Variants in RYK observed in about 807,000 individuals in gnomAD.
RYK encodes the protein receptor like tyrosine kinase, also known as inactive tyrosine-protein kinase RYK.
Under a neutral mutation model 70.2 loss-of-function variants are expected in RYK, and 21 were observed. That is an observed-to-expected ratio of 0.30 (90% CI 0.21 to 0.43). The LOEUF (loss-of-function observed/expected upper bound fraction) is 0.43. Among genes scored for constraint, RYK ranks in the 20% least tolerant of loss-of-function variants. The probability of loss-of-function intolerance (pLI) is 1.00; values close to 1 mark genes in which losing one functional copy is unlikely to be tolerated. For synonymous variants in RYK, 267 were observed against 278.0 expected (o/e 0.96, Z 0.39); for missense variants, 604 against 753.3 (o/e 0.80, Z 2.32).
intron 10 of RYK, among the ~76,000 whole-genome samples, chr3:134,182,051 A>G (rs890045177): frequency 5.9e-5 from 9 of 152,032 alleles, no homozygotes; most frequent in Non-Finnish European, 1.0e-4. Context: ...GCTACTCAGG[A>G]GGCTGAGGTA....
chr3:134,239,893 T>A (rs2015279073), intron 1 of RYK, among the ~76,000 whole-genome samples: 1 of 152,110 alleles, frequency 6.6e-6, no homozygotes, highest in Non-Finnish European at 1.5e-5. Flanking sequence ...TAAGTTGAGA[T>A]CTAGAAAGTA....
At chr3:134,205,288 T>G (rs1401675129) in intron 5 of RYK, among the ~76,000 whole-genome samples, 5 of 152,178 alleles carry the variant, frequency 3.3e-5, no homozygotes, top group Admixed American at 3.3e-4. Flanking sequence ...AGATAAAACT[T>G]ACAGCTTTCA....
intron 8 of RYK, among the ~76,000 whole-genome samples, chr3:134,191,261 A>C (rs964998545): frequency 2.6e-5 from 4 of 152,346 alleles, no homozygotes; most frequent in Admixed American, 2.0e-4. Flanking sequence ...TGAGAGGTGA[A>C]GGGAAGCATA....
At position 134,175,630 on chromosome 3, in the gene RYK, C is replaced by T; in HGVS notation, c.1554G>A (p.Glu518=). ...WMALESLVNN[E]FSSASDVWAF... is the part of the protein sequence containing the mutation. ...TTACCACATCACTAGCGCTAGAGAA[C>T]TCGTTATTAACCAGACTTTCAAGAG... is the stretch of plus-strand genomic sequence containing the variant. Residue 518 remains glutamate, a synonymous_variant, in exon 13 of 15, where the codon GAG becomes GAA. Transcript: ENST00000623711. The T allele has an allele frequency of 6.2e-7, 1 of 1,613,844 alleles. No individual in the cohort carries two copies. The highest frequency in any genetic ancestry group is 1.1e-5 in the South Asian group (1 of 91,070).
At chr3:134,231,193 CA>C (rs76361855) in intron 1 of RYK, among the ~76,000 whole-genome samples, 1,088 of 107,328 alleles carry the variant, frequency 0.01, 3 homozygotes, top group African/African-American at 0.025. Flanking sequence ...CAGACAAGAC[CA>C]AAAAAAAAAA....
At chr3:134,206,135 A>G (rs938480572) in intron 5 of RYK, among the ~76,000 whole-genome samples, 3 of 152,210 alleles carry the variant, frequency 2.0e-5, no homozygotes, top group African/African-American at 7.2e-5. Context: ...TATTCCAGCA[A>G]GTAGACGATA....
intron 9 of RYK, 150 bp downstream of exon 9, chr3:134,188,687 T>A (rs531672851): frequency 3.7e-6 from 2 of 543,404 alleles, no homozygotes; most frequent in Non-Finnish European, 6.5e-6. Context: ...ACAATTAGGC[T>A]CATATAAGAC....
intron 8 of RYK, among the ~76,000 whole-genome samples, chr3:134,189,750 A>C (rs1237916412): frequency 6.6e-6 from 1 of 151,608 alleles, no homozygotes; most frequent in East Asian, 1.9e-4. Context: ...CAAAAAAAAA[A>C]AAAAAAAAAA....
chr3:134,248,562 T>TAA (rs1337109924), intron 1 of RYK, among the ~76,000 whole-genome samples: 1 of 152,170 alleles, frequency 6.6e-6, no homozygotes, highest in Non-Finnish European at 1.5e-5. Context: ...CTCACACCTG[T>TAA]AATCCCAGCA....
At chr3:134,205,788 G>A (rs1266941611) in intron 5 of RYK, among the ~76,000 whole-genome samples, 2 of 152,120 alleles carry the variant, frequency 1.3e-5, no homozygotes, top group East Asian at 1.9e-4. Flanking sequence ...TGCTATGTTG[G>A]TATCATTGCC....
At chr3:134,207,623 A>G in intron 4 of RYK, 98 bp from the exon 5 acceptor site, 1 of 733,696 alleles carries the variant, frequency 1.4e-6, no homozygotes, top group Middle Eastern at 3.9e-4. Flanking sequence ...ACTCAGCAAC[A>G]GGTATGTGTT....
rs550642003 is a variant in RYK at position 134,206,183 on chromosome 3, G to A, written c.643+1289C>T. Among the ~76,000 whole-genome samples, 9 of 152,034 alleles carry A rather than the reference G, an allele frequency of 5.9e-5. No homozygotes were observed. In the South Asian group the frequency reaches 1.9e-3, roughly 32 times the overall value. ...TTACAGGCAAAAAAATTCCCCTTTG[G>A]GACATCCAGATACTCTGTGCCTCCC... On this transcript the variant is annotated intron_variant, in intron 5 of 14. Coordinates refer to ENST00000623711, the MANE Select transcript of RYK (RefSeq NM_002958.4).
chr3:134,238,705 A>G (rs1366974766), intron 1 of RYK, among the ~76,000 whole-genome samples: 2 of 152,226 alleles, frequency 1.3e-5, no homozygotes, highest in African/African-American at 4.8e-5. Context: ...AATACAAGCA[A>G]GGACACTGAA....
chr3:134,164,567 G>C (rs543344877), intron 13 of RYK, among the ~76,000 whole-genome samples: 10 of 152,166 alleles, frequency 6.6e-5, no homozygotes, highest in African/African-American at 2.4e-4. Context: ...AGATTCATCT[G>C]TGATGTAGCA....
chr3:134,211,695 A>C, intron 2 of RYK, 88 bp from the exon 3 acceptor site: 8 of 807,508 alleles, frequency 9.9e-6, no homozygotes, highest in African/African-American at 1.7e-5. Flanking sequence ...CTCATTAATC[A>C]ATGGATGAGC....
At chr3:134,207,668 A>G (rs1172351034) in intron 4 of RYK, 143 bp from the exon 5 acceptor site, 2 of 580,110 alleles carry the variant, frequency 3.4e-6, no homozygotes, top group Admixed American at 6.4e-5. Flanking sequence ...TATTCTGATA[A>G]TCACCACTAC....
At chr3:134,192,369 C>A (rs1297110914) in intron 7 of RYK, among the ~76,000 whole-genome samples, 3 of 151,868 alleles carry the variant, frequency 2.0e-5, no homozygotes, top group African/African-American at 7.2e-5. Context: ...ACCAACTTTT[C>A]AAATGAAGAC....
chr3:134,238,376 C>T (rs1257244638), intron 1 of RYK, among the ~76,000 whole-genome samples: 3 of 152,120 alleles, frequency 2.0e-5, no homozygotes, highest in African/African-American at 7.2e-5. Flanking sequence ...TGTTCATACA[C>T]AGAAAGGAGG....
intron 5 of RYK, among the ~76,000 whole-genome samples, chr3:134,205,616 C>T (rs1403753720): frequency 2.0e-5 from 3 of 152,158 alleles, no homozygotes. Flanking sequence ...GCTCAATTAC[C>T]TCCAAATTCC....
Sources: gnomAD v4.1 joint callset for allele counts (sites outside exome capture counted in the v4.1 genomes callset) on GRCh38, gnomAD v4.1.1 for gene constraint, MANE v1.5 for transcripts, NCBI Gene and HGNC (gene_info 2026-07-23, HGNC 2026-07-21) for gene names.